The following FSCN1 variants were observed in gnomAD, a reference collection of about 807,000 sequenced individuals.
FSCN1 encodes fascin.
In FSCN1, 10 loss-of-function variants were observed where a neutral mutation model predicts 39.7. That is an observed-to-expected ratio of 0.25 (90% CI 0.16 to 0.43). The LOEUF (loss-of-function observed/expected upper bound fraction) is 0.43. Among genes scored for constraint, FSCN1 ranks in the 20% least tolerant of loss-of-function variants. FSCN1 has a pLI of 1.00. For missense variants in FSCN1, 525 were observed against 723.8 expected (o/e 0.73, Z 3.15); for synonymous variants, 322 against 320.0 (o/e 1.01, Z -0.07).
chr7:5,593,279 A>G lies in FSCN1; in HGVS notation c.343A>G (p.Thr115Ala). Reference protein sequence around the residue: ...SEAHRRYFGGTEDRLSCFAQT... With the variant: ...SEAHRRYFGGAEDRLSCFAQT... ...GGCGCACCGGCGCTACTTCGGCGGC[A>G]CCGAGGACCGCCTGTCCTGCTTCGC... Residue 115 changes from threonine to alanine, a missense_variant, in exon 1 of 5, where the codon ACC becomes GCC. Thr to Ala is a moderately conservative substitution (Grantham distance 58). This residue lies in a region of FSCN1 where 246 missense variants were observed against 350.6 expected (regional missense o/e 0.70). Transcript: ENST00000382361. The G allele has an allele frequency of 1.2e-6, 2 of 1,609,914 alleles. No homozygotes were observed. The highest frequency in any genetic ancestry group is 1.7e-6 in the Non-Finnish European group (2 of 1,179,074).
At position 5,603,532 on chromosome 7, in the gene FSCN1, C is replaced by G; in HGVS notation, c.1026C>G (p.Asp342Glu). 1 of 1,614,134 alleles carries G rather than the reference C, an allele frequency of 6.2e-7. No homozygotes were observed. The highest frequency in any genetic ancestry group is 8.5e-7 in the Non-Finnish European group (1 of 1,180,014). The change falls in exon 3 of 5, where the codon GAC (aspartate) becomes GAG (glutamate). Residue 342 changes from aspartate (D) to glutamate (E), a missense_variant. By Grantham distance (45) the Asp-to-Glu change is conservative (BLOSUM62 2). Around this residue, in one of 3 missense-constraint regions of FSCN1, gnomAD observed 275 missense variants for 351.9 expected, o/e 0.78. Transcript: ENST00000382361. This position sits in a 1 kb window ranked among gnomAD's most constrained non-coding sequence, Gnocchi z 8.5. ...ASCYFDIEWR[D>E]RRITLRASNG... Reference sequence around the variant, plus strand: ...GCTACTTTGACATCGAGTGGCGTGACCGGCGCATCACACTGAGGGCGTCCA... The same window carrying G: ...GCTACTTTGACATCGAGTGGCGTGAGCGGCGCATCACACTGAGGGCGTCCA...
chr7:5,604,355 GGGTGGGGA>G (rs1746312770), intron 4 of FSCN1, among the ~76,000 whole-genome samples: 1 of 152,002 alleles, frequency 6.6e-6, no homozygotes, highest in Non-Finnish European at 1.5e-5. Context: ...AGGAGAGCAG[GGGTGGGGA>G]GGTTCTGGAA....
At chr7:5,602,330 G>A (rs1019835725) in intron 1 of FSCN1, among the ~76,000 whole-genome samples, 15 of 151,422 alleles carry the variant, frequency 9.9e-5, no homozygotes, top group Non-Finnish European at 1.6e-4. Context: ...ATGAGCCACC[G>A]CACCCGGCCC....
intron 1 of FSCN1, among the ~76,000 whole-genome samples, chr7:5,597,996 T>A (rs1785761498): frequency 6.6e-6 from 1 of 152,070 alleles, no homozygotes; most frequent in African/African-American, 2.4e-5. Context: ...CAGCTCTAAT[T>A]AGAGACTCCA....
chr7:5,603,742 G>C lies in FSCN1; in HGVS notation c.1112-121G>C, dbSNP rs1224130607. The C allele has an allele frequency of 1.3e-6, 2 of 1,503,064 alleles. No homozygotes were observed. Among genetic ancestry groups the C allele is most frequent in the East Asian group, 4.5e-5 (2 of 44,114 alleles). 93.1% of individuals were successfully genotyped at this position (1,503,064 alleles called of 1,614,324 possible). Reference sequence around the variant, plus strand: ...CTGGGCATCCCCCCGGACTGGCCCCGCACTGTCCTACCCTGGGGACTGCTG... The same window carrying C: ...CTGGGCATCCCCCCGGACTGGCCCCCCACTGTCCTACCCTGGGGACTGCTG... On this transcript the variant is annotated intron_variant, in intron 3 of 4. Transcript: ENST00000382361. The surrounding 1 kb of genome is among the most constrained non-coding windows in gnomAD (Gnocchi z 8.5).
At position 5,599,147 on chromosome 7, in the gene FSCN1, TATC is replaced by T. The variant is rs1347073808; in HGVS notation, c.833-4109_833-4107del. ...CCTGGGACCCAGCCCCTGCTCACCT[TATC>T]CTCCTCCCGTGCTTGGCTGGGGTGT... is the stretch of plus-strand genomic sequence containing the variant. On this transcript the variant is annotated intron_variant, in intron 1 of 4. Coordinates refer to ENST00000382361, the MANE Select transcript of FSCN1 (RefSeq NM_003088.4). The surrounding 1 kb of genome is among the most constrained non-coding windows in gnomAD (Gnocchi z 5.6). Among the ~76,000 whole-genome samples the T allele has an allele frequency of 7.9e-5, 12 of 152,108 alleles. No homozygotes were observed. The highest frequency in any genetic ancestry group is 1.5e-5 in the Non-Finnish European group (1 of 67,980).
At chr7:5,597,684 C>CA (rs535461013) in intron 1 of FSCN1, among the ~76,000 whole-genome samples, 2,536 of 140,052 alleles carry the variant, frequency 0.018, 68 homozygotes, top group African/African-American at 0.063. Context: ...CAAAACAAAA[C>CA]AAAAAAAACA....
At position 5,603,441 on chromosome 7, in the gene FSCN1, G is replaced by T; in HGVS notation, c.989+28G>T. On this transcript the variant is annotated intron_variant, in intron 2 of 4. Transcript: ENST00000382361. This position sits in a 1 kb window ranked among gnomAD's most constrained non-coding sequence, Gnocchi z 8.5. ...GAGTGCCTCGCTCCCACCTGTCACC[G>T]CCCCCACCACCTTGCCTGGGCTACC... The T allele has an allele frequency of 1.2e-6, 2 of 1,613,652 alleles. No individual in the cohort carries two copies. The highest frequency in any genetic ancestry group is 1.1e-5 in the South Asian group (1 of 91,070).
chr7:5,597,015 G>A (rs1322015239), intron 1 of FSCN1, among the ~76,000 whole-genome samples: 1 of 152,152 alleles, frequency 6.6e-6, no homozygotes, highest in Non-Finnish European at 1.5e-5. Context: ...AGGGTGTGAG[G>A]CAACCAGGGG....
At position 5,594,041 on chromosome 7, in the gene FSCN1, C is replaced by T. The variant is rs1584297268; in HGVS notation, c.832+273C>T. 3 of 450,496 alleles carry T rather than the reference C, an allele frequency of 6.7e-6. No homozygotes were observed. The East Asian group carries it at 1.1e-4, about 17-fold the overall frequency. 27.9% of individuals were successfully genotyped at this position (450,496 alleles called of 1,614,324 possible). On this transcript the variant is annotated intron_variant, in intron 1 of 4. Coordinates refer to ENST00000382361, the MANE Select transcript of FSCN1 (RefSeq NM_003088.4). ...GGAGTCGCAACCGTACGTGCACCCT[C>T]CTAACCCCCCCCCCCGCCCAATCTT...
At position 5,593,455 on chromosome 7, in the gene FSCN1, C is replaced by G. The variant is rs776722311; in HGVS notation, c.519C>G (p.Val173=). 3.7e-6 allele frequency: 6 copies of G among 1,611,750 alleles called. No homozygotes were observed. The African/African-American group carries it at 8.0e-5, about 22-fold the overall frequency. Reference sequence around the variant, plus strand: ...TGGACCGCGACGTGCCCTGGGGCGTCGACTCGCTCATCACCCTCGCCTTCC... The same window carrying G: ...TGGACCGCGACGTGCCCTGGGGCGTGGACTCGCTCATCACCCTCGCCTTCC... ...IAVDRDVPWG[V]DSLITLAFQD... Residue 173 remains valine, a synonymous_variant, in exon 1 of 5, where the codon GTC becomes GTG. Transcript: ENST00000382361.
At chr7:5,595,398 TG>T (rs1785712006) in intron 1 of FSCN1, among the ~76,000 whole-genome samples, 1 of 152,162 alleles carries the variant, frequency 6.6e-6, no homozygotes, top group African/African-American at 2.4e-5. Context: ...CCACAGCGCA[TG>T]GCGGGCAGAG....
At chr7:5,604,924 ACC>A (rs1324233572) in intron 4 of FSCN1, among the ~76,000 whole-genome samples, 1 of 152,090 alleles carries the variant, frequency 6.6e-6, no homozygotes, top group Non-Finnish European at 1.5e-5. Flanking sequence ...GGTGTGAGCC[ACC>A]ACACCCGGCT....
intron 1 of FSCN1, among the ~76,000 whole-genome samples, chr7:5,595,971 C>T (rs1292858698): frequency 6.6e-6 from 1 of 150,948 alleles, no homozygotes; most frequent in African/African-American, 2.4e-5. Context: ...CCAGAAATTG[C>T]AGCCAGGAGA....
chr7:5,596,331 C>T (rs1584299024), intron 1 of FSCN1, among the ~76,000 whole-genome samples: 1 of 152,186 alleles, frequency 6.6e-6, no homozygotes, highest in East Asian at 1.9e-4. Flanking sequence ...CCGGTGGGGG[C>T]AGGGTGCTCC....
Position 5,599,051 on chromosome 7 carries a change from T to TG in FSCN1, c.833-4204dup, listed in dbSNP as rs1358789935. 2.0e-5 allele frequency among the ~76,000 whole-genome samples: 3 copies of TG among 152,028 alleles called. No homozygotes were observed. The highest frequency in any genetic ancestry group is 7.2e-5 in the African/African-American group (3 of 41,458). On this transcript the variant is annotated intron_variant, in intron 1 of 4. Transcript: ENST00000382361. This position sits in a 1 kb window ranked among gnomAD's most constrained non-coding sequence, Gnocchi z 5.6. ...GACCTTTGCAGGGCCTCTTGGCTGG[T>TG]GGAGGGCTGAGTGAGCAGAGGCCCC...
rs1785923601 is a variant in FSCN1 at position 5,605,770 on chromosome 7, G to A, written c.*296G>A. 2.8e-6 allele frequency: 1 copy of A among 361,088 alleles called. No homozygotes were observed. Among genetic ancestry groups the A allele is most frequent in the Admixed American group, 4.3e-5 (1 of 23,254 alleles). 22.4% of individuals were successfully genotyped at this position (361,088 alleles called of 1,614,324 possible). ...GGCGAGTCTGGCACCTCTTTCTTCTGACCTCAGACGGCTCTGAGCCTTATT... is the reference window on the plus strand; with the variant it reads ...GGCGAGTCTGGCACCTCTTTCTTCTAACCTCAGACGGCTCTGAGCCTTATT... On this transcript the variant is annotated 3_prime_UTR_variant, in exon 5 of 5. Transcript: ENST00000382361. This position sits in a 1 kb window ranked among gnomAD's most constrained non-coding sequence, Gnocchi z 6.9.
At chr7:5,602,242 G>A (rs1268659723) in intron 1 of FSCN1, among the ~76,000 whole-genome samples, 2 of 147,656 alleles carry the variant, frequency 1.4e-5, no homozygotes, top group Non-Finnish European at 3.0e-5. Context: ...TTGCTAAGTT[G>A]TCCAGGCTGG....
In FSCN1 at chr7:5,593,726, G is replaced by A; in HGVS notation, c.790G>A (p.Val264Met). Residue 264 changes from valine to methionine, a missense_variant, in exon 1 of 5, where the codon GTG (valine) becomes ATG (methionine). Val to Met is a conservative substitution (Grantham distance 21, BLOSUM62 1). Transcript: ENST00000382361. Reference sequence around the variant, plus strand: ...TCTGGAGCAGAGCTGCGCCCAGGTCGTGCTGCAGGCGGCCAACGAGAGGAA... The same window carrying A: ...TCTGGAGCAGAGCTGCGCCCAGGTCATGCTGCAGGCGGCCAACGAGAGGAA... ...FALEQSCAQVVLQAANERNVS... is the reference protein window; with the variant it reads ...FALEQSCAQVMLQAANERNVS... 1.3e-6 allele frequency: 2 copies of A among 1,592,338 alleles called. No homozygotes were observed. Among genetic ancestry groups the A allele is most frequent in the Non-Finnish European group, 1.7e-6 (2 of 1,176,084 alleles).
Sources: allele counts gnomAD v4.1 joint callset (sites outside exome capture counted in the v4.1 genomes callset), GRCh38; gene constraint gnomAD v4.1.1; regional missense constraint gnomAD v4.1.1; non-coding constraint Gnocchi (gnomAD v3.1); transcripts MANE v1.5; gene names NCBI Gene and HGNC (gene_info 2026-07-23, HGNC 2026-07-21).